The following LIPC variants were observed in gnomAD, a reference collection of about 807,000 sequenced individuals.
LIPC encodes the protein lipase C, hepatic type.
In LIPC, 44 loss-of-function variants were observed where a neutral mutation model predicts 50.7. The observed-to-expected ratio is 0.87, with a 90% CI of 0.68 to 1.11. The LOEUF is 1.11. Ranked by LOEUF, LIPC falls within the 50% of genes most tolerant of loss-of-function variation. LIPC has a pLI of 0.00. For synonymous variants in LIPC, 271 were observed against 256.4 expected (o/e 1.06, Z -0.54); for missense variants, 697 against 648.2 (o/e 1.08, Z -0.82).
chr15:58,528,638 G>C (rs1205447891), intron 1 of LIPC, among the ~76,000 whole-genome samples: 1 of 152,136 alleles, frequency 6.6e-6, no homozygotes, highest in African/African-American at 2.4e-5. Flanking sequence ...CCAAGTAGCT[G>C]GGACTACAGG....
intron 1 of LIPC, among the ~76,000 whole-genome samples, chr15:58,479,398 C>T (rs1278516574): frequency 1.3e-5 from 2 of 152,218 alleles, no homozygotes; most frequent in African/African-American, 2.4e-5. Context: ...AACAGAATTT[C>T]TAATAAATAC....
intron 8 of LIPC, among the ~76,000 whole-genome samples, chr15:58,565,008 T>C (rs548609887): frequency 6.6e-6 from 1 of 152,312 alleles, no homozygotes; most frequent in South Asian, 2.1e-4. Flanking sequence ...AGCAGGTTTC[T>C]AACCTCTGAA....
intron 1 of LIPC, among the ~76,000 whole-genome samples, chr15:58,451,757 G>A (rs1893907259): frequency 6.6e-6 from 1 of 152,226 alleles, no homozygotes; most frequent in South Asian, 2.1e-4. Flanking sequence ...GCACGAGGAT[G>A]AGCGGGAGGC....
intron 6 of LIPC, among the ~76,000 whole-genome samples, chr15:58,550,086 A>C (rs1453665525): frequency 1.3e-5 from 2 of 152,208 alleles, no homozygotes; most frequent in African/African-American, 4.8e-5. Flanking sequence ...TAGGCAGGGA[A>C]AATTATTTGT....
intron 1 of LIPC, among the ~76,000 whole-genome samples, chr15:58,504,160 G>A (rs1234144184): frequency 6.6e-6 from 1 of 152,288 alleles, no homozygotes; most frequent in South Asian, 2.1e-4. Context: ...GAGTGAACAA[G>A]CTCCCTCCAA....
intron 1 of LIPC, among the ~76,000 whole-genome samples, chr15:58,438,899 C>T (rs1372151627): frequency 2.6e-5 from 4 of 152,130 alleles, no homozygotes; most frequent in African/African-American, 9.7e-5. Flanking sequence ...ATTTTTTCCC[C>T]AGTGGGGCTT....
At chr15:58,567,239 G>A (rs1894399489) in intron 8 of LIPC, among the ~76,000 whole-genome samples, 1 of 134,888 alleles carries the variant, frequency 7.4e-6, no homozygotes. Context: ...ATGTATATAT[G>A]TGTGTGTGTG....
rs146265745 is a variant in LIPC at position 58,517,399 on chromosome 15, G to T, written c.89-20934G>T. Among the ~76,000 whole-genome samples the T allele has an allele frequency of 3.3e-3, 508 of 152,326 alleles. 6 individuals are homozygous for T. Among genetic ancestry groups the T allele is most frequent in the East Asian group, 9.6e-4 (5 of 5,190 alleles). ...AACACTGCATATCTTCACCCAGGAG[G>T]GGCGACAGCCCTAAGTCTCTTATGT... is the stretch of plus-strand genomic sequence containing the variant. On this transcript the variant is annotated intron_variant, in intron 1 of 8. Coordinates refer to ENST00000299022, the MANE Select transcript of LIPC (RefSeq NM_000236.3).
chr15:58,535,094 CT>C (rs1288428249), intron 1 of LIPC, among the ~76,000 whole-genome samples: 1 of 152,216 alleles, frequency 6.6e-6, no homozygotes, highest in African/African-American at 2.4e-5. Context: ...CTTAAAGAGT[CT>C]TTCCTCCATC....
rs1423622291 is a variant in LIPC at position 58,538,493 on chromosome 15, G to C, written c.249G>C (p.Leu83=). 1.2e-6 allele frequency: 2 copies of C among 1,614,164 alleles called. No homozygotes were observed. The highest frequency in any genetic ancestry group is 1.1e-5 in the South Asian group (1 of 91,086). Residue 83 remains leucine, a synonymous_variant, in exon 2 of 9, where the codon CTG becomes CTC. Coordinates refer to ENST00000299022, the MANE Select transcript of LIPC (RefSeq NM_000236.3). Reference sequence around the variant, plus strand: ...GCGGCTTCAACTCCTCCCTGCCTCTGGTGATGATAATCCACGGGTGGTCGG... The same window carrying C: ...GCGGCTTCAACTCCTCCCTGCCTCTCGTGATGATAATCCACGGGTGGTCGG... The part of the protein sequence containing the change: ...QECGFNSSLP[L]VMIIHGWSVD...
At chr15:58,544,771 G>A (rs1036644233) in intron 4 of LIPC, among the ~76,000 whole-genome samples, 5 of 152,018 alleles carry the variant, frequency 3.3e-5, no homozygotes, top group Admixed American at 1.3e-4. Context: ...CAATTCCTTC[G>A]CCCCCCAAGT....
At chr15:58,555,837 GCA>G (rs1893926899) in intron 6 of LIPC, among the ~76,000 whole-genome samples, 1 of 152,220 alleles carries the variant, frequency 6.6e-6, no homozygotes, top group South Asian at 2.1e-4. Context: ...GGCAGTGGCT[GCA>G]CAGTCAGGCT....
At chr15:58,474,704 G>A (rs1160964047) in intron 1 of LIPC, among the ~76,000 whole-genome samples, 1 of 152,142 alleles carries the variant, frequency 6.6e-6, no homozygotes, top group Non-Finnish European at 1.5e-5. Flanking sequence ...CCCTGAGGGT[G>A]ACAACCTTCG....
At chr15:58,483,273 G>A (rs1039241669) in intron 1 of LIPC, among the ~76,000 whole-genome samples, 24 of 152,200 alleles carry the variant, frequency 1.6e-4, no homozygotes, top group African/African-American at 5.5e-4. Flanking sequence ...AAAGTCACAG[G>A]GATTAAGAAA....
intron 1 of LIPC, among the ~76,000 whole-genome samples, chr15:58,457,256 G>T (rs1247839549): frequency 1.3e-5 from 2 of 152,102 alleles, no homozygotes; most frequent in African/African-American, 4.8e-5. Flanking sequence ...ATTACAGGCA[G>T]GCACCACCAC....
chr15:58,494,490 C>T (rs1459797709), intron 1 of LIPC, among the ~76,000 whole-genome samples: 3 of 152,276 alleles, frequency 2.0e-5, no homozygotes, highest in Admixed American at 6.5e-5. Flanking sequence ...ATAATAGACT[C>T]GTCAGGGCTT....
chr15:58,473,702 A>C (rs1566920592), intron 1 of LIPC: 1 of 152,254 alleles, frequency 6.6e-6, no homozygotes, highest in Non-Finnish European at 1.5e-5. Context: ...TTCACACAGC[A>C]CTTGATGAAG....
intron 1 of LIPC, chr15:58,523,432 T>C (rs968178086): frequency 2.6e-5 from 4 of 152,238 alleles, no homozygotes; most frequent in Non-Finnish European, 5.9e-5. Flanking sequence ...AGCATCTAGC[T>C]AGACAGACAC....
At chr15:58,512,579 C>A (rs147141863) in intron 1 of LIPC, among the ~76,000 whole-genome samples, 1 of 152,176 alleles carries the variant, frequency 6.6e-6, no homozygotes, top group South Asian at 2.1e-4. Flanking sequence ...GGAAAAGCCA[C>A]GGGAATCACA....
Sources: gnomAD v4.1 joint callset for allele counts (sites outside exome capture counted in the v4.1 genomes callset) on GRCh38, gnomAD v4.1.1 for gene constraint, MANE v1.5 for transcripts, NCBI Gene and HGNC (gene_info 2026-07-23, HGNC 2026-07-21) for gene names.